Variants in DMD observed in about 807,000 individuals in gnomAD.
The protein encoded by DMD is dystrophin.
DMD carries 63 observed loss-of-function variants against 330.1 expected under a neutral mutation model. That is an observed-to-expected ratio of 0.19 (90% confidence interval 0.16 to 0.24). The LOEUF (loss-of-function observed/expected upper bound fraction) is 0.24. DMD is among the 10% of genes least tolerant of loss of function. The pLI, the probability that DMD is intolerant of heterozygous loss-of-function variation, is 1.00. For synonymous variants in DMD, 1,223 were observed against 959.8 expected, an observed-to-expected ratio of 1.27 and a Z score of -5.07; for missense variants, 3,344 against 2,684.1, an observed-to-expected ratio of 1.25 and a Z score of -5.43.
At chrX:33,202,886 T>C (rs960618185) in intron 1 of DMD, among the ~76,000 whole-genome samples, 5 of 111,839 alleles carry the variant, frequency 4.5e-5, no homozygotes, top group African/African-American at 1.3e-4. Flanking sequence ...TGTTCAACAA[T>C]GTTGAGTTAT....
intron 1 of DMD, among the ~76,000 whole-genome samples, chrX:33,297,878 G>A (rs1421260985): frequency 9.1e-6 from 1 of 110,346 alleles, no homozygotes; most frequent in Non-Finnish European, 1.9e-5. Context: ...GAGATCTAAC[G>A]TACAGCATGG....
chrX:31,912,035 A>AT (rs1331883688), intron 47 of DMD, among the ~76,000 whole-genome samples: 4 of 111,419 alleles, frequency 3.6e-5, no homozygotes, highest in African/African-American at 6.5e-5. Context: ...CAAAAAGTGG[A>AT]TTTTAAACGA....
intron 15 of DMD, among the ~76,000 whole-genome samples, chrX:32,569,808 G>C (rs975631414): frequency 1.8e-5 from 2 of 110,536 alleles, no homozygotes; most frequent in Non-Finnish European, 3.8e-5. Flanking sequence ...TGCTTCCCCA[G>C]AGCTGTCCTT....
chrX:31,813,594 ACTT>A (rs767885603), intron 50 of DMD, among the ~76,000 whole-genome samples: 17 of 111,745 alleles, frequency 1.5e-4, no homozygotes, highest in African/African-American at 5.5e-4. Flanking sequence ...AGTCCATTAA[ACTT>A]CTTTTTCCTG....
At chrX:31,376,554 G>T (rs1045618868) in intron 60 of DMD, among the ~76,000 whole-genome samples, 13 of 111,974 alleles carry the variant, frequency 1.2e-4, no homozygotes, top group Non-Finnish European at 2.1e-4. Flanking sequence ...CAGAGTCAGG[G>T]TATGGGCAGG....
intron 20 of DMD, among the ~76,000 whole-genome samples, chrX:32,489,077 C>A (rs772863155): frequency 9.9e-5 from 11 of 111,387 alleles, no homozygotes; most frequent in Non-Finnish European, 2.1e-4. Flanking sequence ...CAAAGCTTTG[C>A]ATCTTAGTTT....
chrX:32,016,544 G>A (rs1426374449), intron 44 of DMD, among the ~76,000 whole-genome samples: 1 of 112,225 alleles, frequency 8.9e-6, no homozygotes, highest in East Asian at 2.8e-4. Context: ...GCAGTGCCTG[G>A]CACAGAGAAG....
chrX:32,086,902 G>T (rs1264737215), intron 44 of DMD, among the ~76,000 whole-genome samples: 2 of 111,590 alleles, frequency 1.8e-5, no homozygotes, highest in East Asian at 5.6e-4. Context: ...TGTTGACAAA[G>T]AATTCTGTGA....
chrX:31,748,271 A>G (rs1443932792), intron 51 of DMD, among the ~76,000 whole-genome samples: 1 of 112,160 alleles, frequency 8.9e-6, no homozygotes, highest in Non-Finnish European at 1.9e-5. Flanking sequence ...AGGAATGCTA[A>G]TACACACAAG....
intron 11 of DMD, among the ~76,000 whole-genome samples, chrX:32,642,352 C>T (rs1275968305): frequency 3.6e-5 from 4 of 112,355 alleles, no homozygotes; most frequent in Admixed American, 2.8e-4. Context: ...CTAGAAGGCT[C>T]TCCTTGCCTT....
chrX:33,075,850 C>A (rs6631733), intron 1 of DMD, among the ~76,000 whole-genome samples: 28,499 of 110,661 alleles, frequency 0.26, 3,281 homozygotes, highest in East Asian at 0.84. Context: ...TGGTTTAAAA[C>A]AAAGGCAATG....
At chrX:32,045,622 T>C (rs2096059457) in intron 44 of DMD, among the ~76,000 whole-genome samples, 1 of 111,528 alleles carries the variant, frequency 9.0e-6, no homozygotes, top group Non-Finnish European at 1.9e-5. Flanking sequence ...GATACTCTTG[T>C]TTTTCTGCCG....
At chrX:32,314,837 G>C (rs935305697) in intron 41 of DMD, among the ~76,000 whole-genome samples, 1 of 111,799 alleles carries the variant, frequency 8.9e-6, no homozygotes, top group African/African-American at 3.3e-5. Context: ...ACCACAACGA[G>C]ATAGCATCTC....
At chrX:32,818,913 T>C (rs1458998554) in intron 5 of DMD, among the ~76,000 whole-genome samples, 1 of 110,600 alleles carries the variant, frequency 9.0e-6, no homozygotes, top group African/African-American at 3.3e-5. Context: ...CTGCAAGTTG[T>C]CTATGGGGTT....
intron 62 of DMD, among the ~76,000 whole-genome samples, chrX:31,276,303 C>T (rs1603283075): frequency 8.9e-6 from 1 of 111,993 alleles, no homozygotes; most frequent in African/African-American, 3.3e-5. Flanking sequence ...TAGTGATCAG[C>T]CCACCTTGGC....
In DMD at chrX:33,010,294, A is replaced by G. The variant is rs193140756; in HGVS notation, c.93+9845T>C. Among the ~76,000 whole-genome samples the G allele has an allele frequency of 9.7e-3, 881 of 91,109 alleles. 10 individuals carry two copies. The highest frequency in any genetic ancestry group is 0.031 in the African/African-American group (853 of 27,457). 79.1% of individuals were successfully genotyped at this position (91,109 alleles called of 115,157 possible). A position where few individuals can be genotyped will look rare whatever the true frequency, so the allele number is the denominator to read the frequency against. On this transcript the variant is annotated intron_variant, in intron 2 of 78. Transcript: ENST00000357033. The stretch of plus-strand genomic sequence containing the variant: ...TGTATATGTACATATATGTGTGTAA[A>G]TATGTATATATGTACATATATGTGT...
At chrX:31,476,652 G>A (rs765943046) in intron 59 of DMD, among the ~76,000 whole-genome samples, 5 of 110,106 alleles carry the variant, frequency 4.5e-5, no homozygotes, top group South Asian at 3.9e-4. Flanking sequence ...GTATTCTCCC[G>A]CAAGGAGTTT....
upstream of DMD, among the ~76,000 whole-genome samples, chrX:33,214,894 C>T (rs2052023376): frequency 8.9e-6 from 1 of 112,110 alleles, no homozygotes; most frequent in African/African-American, 3.2e-5. Flanking sequence ...CTCAAGTAAT[C>T]CTCCTGCCTC....
intron 55 of DMD, among the ~76,000 whole-genome samples, chrX:31,569,672 A>G (rs867913071): frequency 7.0e-5 from 7 of 100,299 alleles, no homozygotes; most frequent in East Asian, 3.2e-4. Context: ...ATATATACGT[A>G]TATATATATG....
Sources: allele counts gnomAD v4.1 joint callset (sites outside exome capture counted in the v4.1 genomes callset), GRCh38; gene constraint gnomAD v4.1.1; transcripts MANE v1.5; gene names NCBI Gene and HGNC (gene_info 2026-07-23, HGNC 2026-07-21).